The following ATRNL1 variants were observed in gnomAD, a reference collection of about 807,000 sequenced individuals.
ATRNL1 encodes attractin like 1.
In ATRNL1, 95 loss-of-function variants were observed where a neutral mutation model predicts 182.7. The observed-to-expected ratio is 0.52, with a 90% CI of 0.44 to 0.62. The LOEUF (loss-of-function observed/expected upper bound fraction) is 0.62. ATRNL1 is among the 20% of genes least tolerant of loss of function. ATRNL1 has a pLI of 0.00. For synonymous variants in ATRNL1, 576 were observed against 568.3 expected (o/e 1.01, Z -0.19); for missense variants, 1,471 against 1,679.5 (o/e 0.88, Z 2.17).
At chr10:115,520,839 A>G (rs940775815) in intron 25 of ATRNL1, among the ~76,000 whole-genome samples, 1 of 152,144 alleles carries the variant, frequency 6.6e-6, no homozygotes, top group African/African-American at 2.4e-5. Context: ...AACCTTTGCC[A>G]TATTGGTCAG....
intron 21 of ATRNL1, among the ~76,000 whole-genome samples, chr10:115,442,074 C>T (rs939189996): frequency 6.6e-5 from 10 of 152,032 alleles, no homozygotes; most frequent in South Asian, 2.1e-4. Flanking sequence ...ATTCTCCAAT[C>T]GGCCACCAGG....
intron 13 of ATRNL1, among the ~76,000 whole-genome samples, chr10:115,274,722 T>C (rs1852028313): frequency 6.6e-6 from 1 of 152,176 alleles, no homozygotes; most frequent in South Asian, 2.1e-4. Flanking sequence ...ACAGTGAAGG[T>C]GTATTGCTAC....
chr10:115,360,689 TC>T (rs1282111581), intron 19 of ATRNL1, among the ~76,000 whole-genome samples: 3 of 151,786 alleles, frequency 2.0e-5, no homozygotes, highest in African/African-American at 7.2e-5. Flanking sequence ...TACTTTAAGT[TC>T]CAGATACATT....
intron 27 of ATRNL1, among the ~76,000 whole-genome samples, chr10:115,800,786 A>G (rs1949774021): frequency 6.6e-6 from 1 of 152,032 alleles, no homozygotes; most frequent in African/African-American, 2.4e-5. Flanking sequence ...GCAAGAAGGC[A>G]GCCATCTGCA....
chr10:115,148,899 G>A lies in ATRNL1; in HGVS notation c.830-11141G>A, dbSNP rs556632996. ...TGAGTAGCTGGGACTACAGGTGTGCGCCACCACACCCAGGTAATTTTTGTA... is the reference window on the plus strand; with the variant it reads ...TGAGTAGCTGGGACTACAGGTGTGCACCACCACACCCAGGTAATTTTTGTA... On this transcript the variant is annotated intron_variant, in intron 5 of 28. Coordinates refer to ENST00000355044, the MANE Select transcript of ATRNL1 (RefSeq NM_207303.4). Among the ~76,000 whole-genome samples the A allele has an allele frequency of 2.6e-3, 392 of 152,024 alleles. 1 individual carries two copies. Among genetic ancestry groups the A allele is most frequent in the South Asian group, 6.2e-3 (30 of 4,818 alleles).
intron 21 of ATRNL1, among the ~76,000 whole-genome samples, chr10:115,431,194 G>A (rs1295047761): frequency 6.6e-6 from 1 of 152,052 alleles, no homozygotes; most frequent in Non-Finnish European, 1.5e-5. Context: ...ATCACCTGAG[G>A]TAGGGAGTTC....
chr10:115,577,843 A>G (rs1218744858), intron 26 of ATRNL1, among the ~76,000 whole-genome samples: 2 of 151,684 alleles, frequency 1.3e-5, no homozygotes, highest in South Asian at 2.1e-4. Flanking sequence ...ATTAGAGGCA[A>G]AGCTTTCAGT....
chr10:115,892,440 A>G (rs1375013059), intron 28 of ATRNL1, among the ~76,000 whole-genome samples: 11 of 152,148 alleles, frequency 7.2e-5, no homozygotes, highest in Admixed American at 6.5e-5. Flanking sequence ...AGCAATTTTA[A>G]TATATATAGT....
intron 27 of ATRNL1, among the ~76,000 whole-genome samples, chr10:115,800,410 GACAGTGGAGAAGAAAAGTAGGGAAAGAA>G (rs1458033871): frequency 6.6e-6 from 1 of 152,136 alleles, no homozygotes; most frequent in East Asian, 1.9e-4. Flanking sequence ...GAAGGAAAGA[GACAGTGGAGAAGAAAAGTAGGGAAAGAA>G]ACAGAAAGAG....
chr10:115,186,637 G>C (rs1265490286), intron 8 of ATRNL1, among the ~76,000 whole-genome samples: 1 of 152,118 alleles, frequency 6.6e-6, no homozygotes, highest in African/African-American at 2.4e-5. Flanking sequence ...ATTTGTGGGA[G>C]CTAAAAATAA....
intron 13 of ATRNL1, among the ~76,000 whole-genome samples, chr10:115,270,010 A>G (rs890247917): frequency 1.1e-4 from 17 of 151,978 alleles, no homozygotes; most frequent in South Asian, 8.3e-4. Context: ...TAATAACAAG[A>G]TATACTTCAA....
chr10:115,697,927 T>G (rs1161501446), intron 26 of ATRNL1, among the ~76,000 whole-genome samples: 2 of 152,178 alleles, frequency 1.3e-5, no homozygotes, highest in Non-Finnish European at 2.9e-5. Context: ...GCTAATTTAA[T>G]GCGATATAAT....
intron 28 of ATRNL1, among the ~76,000 whole-genome samples, chr10:115,859,426 T>C (rs1325109839): frequency 6.6e-6 from 1 of 151,578 alleles, no homozygotes; most frequent in Non-Finnish European, 1.5e-5. Flanking sequence ...AAAAAGAAAA[T>C]AATATAATTC....
intron 5 of ATRNL1, among the ~76,000 whole-genome samples, chr10:115,145,869 A>G (rs79220258): frequency 0.013 from 2,014 of 152,254 alleles, 41 homozygotes; most frequent in African/African-American, 0.047. Context: ...TGCTGGGATG[A>G]AAAAATCCAG....
chr10:115,874,959 C>T (rs1449471621), intron 28 of ATRNL1, among the ~76,000 whole-genome samples: 1 of 152,138 alleles, frequency 6.6e-6, no homozygotes, highest in South Asian at 2.1e-4. Flanking sequence ...AGTATACAAA[C>T]TCAGCTGTTA....
chr10:115,628,246 A>G (rs12243983), intron 26 of ATRNL1, among the ~76,000 whole-genome samples: 1,662 of 152,098 alleles, frequency 0.011, 28 homozygotes, highest in African/African-American at 0.038. Flanking sequence ...TTTTGCCATC[A>G]CTTATTTTTG....
chr10:115,506,676 G>A (rs782502605), intron 24 of ATRNL1, among the ~76,000 whole-genome samples: 12 of 152,042 alleles, frequency 7.9e-5, no homozygotes, highest in Non-Finnish European at 1.5e-4. Flanking sequence ...GAAGTTGTAC[G>A]GCAAAATAAA....
At chr10:115,630,716 G>C (rs1858429901) in intron 26 of ATRNL1, among the ~76,000 whole-genome samples, 2 of 146,360 alleles carry the variant, frequency 1.4e-5, no homozygotes, top group Admixed American at 6.9e-5. Context: ...ATATTGAATA[G>C]ATATTTAATA....
At chr10:115,482,886 T>C (rs1292920468) in intron 24 of ATRNL1, among the ~76,000 whole-genome samples, 1 of 151,302 alleles carries the variant, frequency 6.6e-6, no homozygotes, top group Non-Finnish European at 1.5e-5. Context: ...ACCTAGATAT[T>C]GAATAATTCG....
Sources: allele counts gnomAD v4.1 joint callset (sites outside exome capture counted in the v4.1 genomes callset), GRCh38; gene constraint gnomAD v4.1.1; transcripts MANE v1.5; gene names NCBI Gene and HGNC (gene_info 2026-07-23, HGNC 2026-07-21).